Variants in BBS1 observed in about 807,000 individuals in gnomAD.
The protein encoded by BBS1 is BBSome complex member BBS1.
A neutral mutation model predicts 73.9 loss-of-function variants in BBS1; 60 were observed. The ratio of observed to expected loss-of-function variants is 0.81; its 90% CI spans 0.66 to 1.01. BBS1 has a LOEUF of 1.01. Ranked by LOEUF, BBS1 falls within the 50% of genes least tolerant of loss-of-function variation. The probability of loss-of-function intolerance (pLI) is 0.00; values close to 1 mark genes in which losing one functional copy is unlikely to be tolerated. For missense variants in BBS1, 718 were observed against 770.3 expected, an observed-to-expected ratio of 0.93 and a Z score of 0.80; for synonymous variants, 283 against 317.4, an observed-to-expected ratio of 0.89 and a Z score of 1.15.
intron 3 of BBS1, among the ~76,000 whole-genome samples, chr11:66,512,003 A>AAAATATATATATATATGTGT (rs1555046275): frequency 7.1e-6 from 1 of 140,296 alleles, no homozygotes; most frequent in Non-Finnish European, 1.5e-5. Flanking sequence ...TTCAAAAAAA[A>AAAATATATATATATATGTGT]ATATATATAT....
At position 66,532,047 on chromosome 11, in the gene BBS1, T is replaced by A. The variant is rs765633556; in HGVS notation, c.*10T>A. ...GCTGGCGGCCGCCTGAGACCTGAGC[T>A]GCTGTGAAAGCCCCTGCACAATCAG... On this transcript the variant is annotated 3_prime_UTR_variant, in exon 17 of 17. Transcript: ENST00000318312. The A allele has an allele frequency of 3.8e-6, 6 of 1,593,922 alleles. No individual in the cohort carries two copies. Among genetic ancestry groups the A allele is most frequent in the Non-Finnish European group, 5.1e-6 (6 of 1,171,380 alleles).
Position 66,532,226 on chromosome 11 carries a change from G to A in BBS1, c.*189G>A. ...AGCAGGTTAGTGAGTACCTAGGGCG[G>A]CTCAACTCCTCCCACAGCACCAACC... is the stretch of plus-strand genomic sequence containing the variant. On this transcript the variant is annotated 3_prime_UTR_variant, in exon 17 of 17. Transcript: ENST00000318312. 3.2e-6 allele frequency: 2 copies of A among 626,524 alleles called. No individual in the cohort carries two copies. The highest frequency in any genetic ancestry group is 5.5e-6 in the Non-Finnish European group (2 of 361,444). The allele number at this position is 626,524 out of a possible 1,614,324, so 38.8% of individuals were successfully genotyped here. A position where few individuals can be genotyped will look rare whatever the true frequency, so the allele number is the denominator to read the frequency against.
At chr11:66,530,380 C>T (rs1225877766) in intron 14 of BBS1, among the ~76,000 whole-genome samples, 1 of 152,128 alleles carries the variant, frequency 6.6e-6, no homozygotes, top group Non-Finnish European at 1.5e-5. Context: ...CCGAGACCAG[C>T]ACGGGCAAAA....
In BBS1 at chr11:66,533,243, T is replaced by G. The variant is rs1856853844; in HGVS notation, c.*1206T>G. ...TAAGGACAAGGAGAATTGGTGTCTT[T>G]CTAAAACATACTTATTTAAAAACAC... On this transcript the variant is annotated 3_prime_UTR_variant, in exon 17 of 17. Transcript: ENST00000318312. 1 of 152,208 alleles carries G rather than the reference T, an allele frequency of 6.6e-6. No homozygotes were observed. Among genetic ancestry groups the G allele is most frequent in the South Asian group, 2.1e-4 (1 of 4,836 alleles). 9.4% of individuals were successfully genotyped at this position (152,208 alleles called of 1,614,324 possible).
At chr11:66,514,970 C>T (rs1419804074) in intron 4 of BBS1, among the ~76,000 whole-genome samples, 1 of 152,108 alleles carries the variant, frequency 6.6e-6, no homozygotes, top group Non-Finnish European at 1.5e-5. Flanking sequence ...CACCAGCAAC[C>T]ACGCCTGGCG....
intron 7 of BBS1, among the ~76,000 whole-genome samples, chr11:66,517,878 T>C (rs1010327439): frequency 6.6e-6 from 1 of 152,128 alleles, no homozygotes; most frequent in South Asian, 2.1e-4. Context: ...GTGCTGGGAT[T>C]ACAGGCATGA....
At chr11:66,510,812 T>C in intron 1 of BBS1, 106 bp downstream of exon 1, 4 of 1,526,660 alleles carry the variant, frequency 2.6e-6, no homozygotes, top group Non-Finnish European at 3.6e-6. Context: ...GGAAGGACTC[T>C]TAAGAGGTCA....
rs907513151 is a variant in BBS1 at position 66,532,275 on chromosome 11, A to C, written c.*238A>C. 1.6e-5 allele frequency: 9 copies of C among 569,940 alleles called. No homozygotes were observed. The highest frequency in any genetic ancestry group is 2.2e-5 in the Non-Finnish European group (7 of 317,892). The allele number at this position is 569,940 out of a possible 1,614,324, so 35.3% of individuals were successfully genotyped here. On this transcript the variant is annotated 3_prime_UTR_variant, in exon 17 of 17. Transcript: ENST00000318312. ...CCCAGCATGGTCCCACTGAAGTCCTACTACGCCCTCCCCTCCCCAGCCTTT... is the reference window on the plus strand; with the variant it reads ...CCCAGCATGGTCCCACTGAAGTCCTCCTACGCCCTCCCCTCCCCAGCCTTT...
chr11:66,510,655 C>T lies in BBS1; in HGVS notation c.-5C>T. 6.2e-7 allele frequency: 1 copy of T among 1,614,130 alleles called. No individual in the cohort carries two copies. The highest frequency in any genetic ancestry group is 8.5e-7 in the Non-Finnish European group (1 of 1,180,020). On this transcript the variant is annotated 5_prime_UTR_variant, in exon 1 of 17. Transcript: ENST00000318312. ...GGGCCGGTTGCCAGGACGACGCCTG[C>T]GAAGATGGCCGCTGCGTCCTCATCG...
chr11:66,521,141 G>C, intron 8 of BBS1, 129 bp from the exon 9 acceptor site: 2 of 753,072 alleles, frequency 2.7e-6, no homozygotes, highest in Non-Finnish European at 4.7e-6. Context: ...AAAACTGTAT[G>C]AGTTTAAACT....
At chr11:66,523,667 C>T (rs1032626950) in intron 10 of BBS1, 57 bp from the exon 11 acceptor site, 2 of 1,610,316 alleles carry the variant, frequency 1.2e-6, no homozygotes, top group African/African-American at 2.7e-5. Context: ...ACCCCAGAAA[C>T]CGTTCTTTCC....
At chr11:66,515,443 A>C in intron 4 of BBS1, 97 bp from the exon 5 acceptor site, 1 of 1,362,956 alleles carries the variant, frequency 7.3e-7, no homozygotes, top group Non-Finnish European at 1.0e-6. Flanking sequence ...GGCAGAGACC[A>C]AGAGGTACCC....
chr11:66,529,115 C>T, intron 13 of BBS1: 1 of 983,018 alleles, frequency 1.0e-6, no homozygotes, highest in Non-Finnish European at 1.2e-6. Flanking sequence ...GCAGAAGCCA[C>T]TTCACACATA....
intron 13 of BBS1, 144 bp downstream of exon 13, chr11:66,526,951 G>A (rs778259618): frequency 7.0e-6 from 11 of 1,574,824 alleles, no homozygotes; most frequent in Non-Finnish European, 8.6e-6. Context: ...CAAATCCAGG[G>A]ACAGCCTAGG....
intron 7 of BBS1, among the ~76,000 whole-genome samples, chr11:66,518,117 C>A (rs1856094981): frequency 6.6e-6 from 1 of 151,260 alleles, no homozygotes. Context: ...GCCACCACGC[C>A]CGGCTAATTT....
At chr11:66,522,336 CTT>C (rs748766824) in intron 9 of BBS1, among the ~76,000 whole-genome samples, 11 of 143,160 alleles carry the variant, frequency 7.7e-5, no homozygotes, top group Admixed American at 2.1e-4. Flanking sequence ...ATATAAAATG[CTT>C]TTTTTTTTTT....
intron 4 of BBS1, 95 bp from the exon 5 acceptor site, chr11:66,515,445 G>C (rs1213294660): frequency 3.7e-6 from 5 of 1,368,636 alleles, no homozygotes; most frequent in African/African-American, 1.4e-5. Context: ...CAGAGACCAA[G>C]AGGTACCCCT....
intron 2 of BBS1, 48 bp downstream of exon 2, chr11:66,511,137 C>T: frequency 6.2e-7 from 1 of 1,613,750 alleles, no homozygotes; most frequent in Non-Finnish European, 8.5e-7. Flanking sequence ...GATGGGGAGT[C>T]AGACAATGGT....
intron 8 of BBS1, 42 bp from the exon 9 acceptor site, chr11:66,521,228 G>A (rs1856200229): frequency 5.3e-6 from 8 of 1,497,824 alleles, no homozygotes; most frequent in Non-Finnish European, 7.4e-6. Context: ...GGAGGGACGG[G>A]GGCTCCAGAG....
Sources: allele counts gnomAD v4.1 joint callset (sites outside exome capture counted in the v4.1 genomes callset), GRCh38; gene constraint gnomAD v4.1.1; transcripts MANE v1.5; gene names NCBI Gene and HGNC (gene_info 2026-07-23, HGNC 2026-07-21).